ANXA8: variants seen among roughly 807,000 people sequenced by gnomAD.
ANXA8 encodes annexin A8, also known as VAC-beta.
In ANXA8, 9 loss-of-function variants were observed where a neutral mutation model predicts 26.8. The observed-to-expected ratio is 0.34, with a 90% CI of 0.20 to 0.59. ANXA8 has a LOEUF of 0.59. ANXA8 is among the 20% of genes least tolerant of loss of function. The pLI is 0.84. For missense variants in ANXA8, 83 were observed against 238.5 expected, an observed-to-expected ratio of 0.35 and a Z score of 4.29; for synonymous variants, 39 against 94.8, an observed-to-expected ratio of 0.41 and a Z score of 3.42.
the ANXA8 span, among the ~76,000 whole-genome samples, chr10:47,670,427 G>A: frequency 6.6e-6 from 1 of 152,098 alleles, no homozygotes; most frequent in Non-Finnish European, 1.5e-5. Flanking sequence ...TTAACTTAAT[G>A]AGGAACTGCC....
At chr10:47,957,707 T>A in the ANXA8 span, among the ~76,000 whole-genome samples, 30 of 149,058 alleles carry the variant, frequency 2.0e-4, no homozygotes, top group African/African-American at 7.6e-4. Flanking sequence ...GCTCCCTACT[T>A]AGGCTCCAGG....
chr10:47,975,270 G>A, the ANXA8 span, among the ~76,000 whole-genome samples: 4 of 149,616 alleles, frequency 2.7e-5, 1 homozygote, highest in Admixed American at 6.7e-5. Context: ...GGCTTAGAGC[G>A]AAAGAATGCC....
chr10:47,945,358 G>A, the ANXA8 span, among the ~76,000 whole-genome samples: 2 of 150,510 alleles, frequency 1.3e-5, no homozygotes, highest in South Asian at 4.2e-4. Context: ...TCGATGTTAT[G>A]GGCTCACGGG....
At chr10:47,667,108 C>A in the ANXA8 span, among the ~76,000 whole-genome samples, 1 of 152,038 alleles carries the variant, frequency 6.6e-6, no homozygotes, top group African/African-American at 2.4e-5. Flanking sequence ...TCTCATAGTG[C>A]CCAGCAATCA....
the ANXA8 span, among the ~76,000 whole-genome samples, chr10:47,989,375 C>A: frequency 8.6e-6 from 1 of 116,932 alleles, no homozygotes; most frequent in Non-Finnish European, 1.9e-5. Flanking sequence ...TGTGTAACCG[C>A]ATCCCTGAGG....
the ANXA8 span, among the ~76,000 whole-genome samples, chr10:47,532,861 A>AT: frequency 2.9e-5 from 1 of 34,882 alleles, no homozygotes; most frequent in South Asian, 8.9e-4. Context: ...GAACCTGGAA[A>AT]TTTCCATCTG....
the ANXA8 span, among the ~76,000 whole-genome samples, chr10:47,685,196 A>G: frequency 6.6e-6 from 1 of 150,870 alleles, no homozygotes; most frequent in Non-Finnish European, 1.5e-5. Context: ...AAAATACAAA[A>G]TTAGCTGGGC....
the ANXA8 span, among the ~76,000 whole-genome samples, chr10:47,686,472 G>A: frequency 4.3e-4 from 65 of 151,852 alleles, no homozygotes; most frequent in Non-Finnish European, 7.8e-4. Context: ...TCAGCCTCCC[G>A]AAGTCCTGGG....
intron 3 of ANXA8, chr10:47,478,080 T>TAC (rs1383623958): frequency 1.5e-5 from 2 of 132,310 alleles, no homozygotes; most frequent in Non-Finnish European, 3.2e-5. Flanking sequence ...GGACGAGGTG[T>TAC]GGGTGCAAGC....
the ANXA8 span, chr10:47,568,115 A>C: frequency 3.8e-6 from 1 of 266,022 alleles, no homozygotes; most frequent in South Asian, 3.9e-5. Context: ...GCTCACTGCA[A>C]CCTCCGCCTC....
At chr10:47,562,067 A>G in the ANXA8 span, among the ~76,000 whole-genome samples, 1 of 151,896 alleles carries the variant, frequency 6.6e-6, no homozygotes, top group Admixed American at 6.6e-5. Flanking sequence ...AGAATCAATT[A>G]TGTATAAGAT....
At chr10:47,768,185 G>A in the ANXA8 span, among the ~76,000 whole-genome samples, 1 of 151,416 alleles carries the variant, frequency 6.6e-6, no homozygotes, top group Non-Finnish European at 1.5e-5. Context: ...TTTTCAGCAA[G>A]GGCCATTTGT....
chr10:47,936,922 TG>T, the ANXA8 span, among the ~76,000 whole-genome samples: 1 of 151,408 alleles, frequency 6.6e-6, no homozygotes, highest in Non-Finnish European at 1.5e-5. Context: ...TTCCCTTGTT[TG>T]CTCAAGGAGT....
the ANXA8 span, among the ~76,000 whole-genome samples, chr10:47,513,567 C>T: frequency 2.1e-4 from 29 of 140,932 alleles, 3 homozygotes; most frequent in Admixed American, 8.0e-4. Flanking sequence ...AAACAAGAAC[C>T]GGCACAGCCA....
chr10:47,748,835 AAG>A, the ANXA8 span, among the ~76,000 whole-genome samples: 1 of 148,718 alleles, frequency 6.7e-6, no homozygotes, highest in East Asian at 2.0e-4. Flanking sequence ...TGGAAGTGAG[AAG>A]ATAATGGAGT....
the ANXA8 span, among the ~76,000 whole-genome samples, chr10:47,954,268 T>C: frequency 3.2e-4 from 49 of 151,104 alleles, no homozygotes; most frequent in African/African-American, 1.1e-3. Context: ...GAGGACATAA[T>C]GTTAAATGAA....
the ANXA8 span, among the ~76,000 whole-genome samples, chr10:47,976,818 T>A: frequency 7.3e-6 from 1 of 136,630 alleles, no homozygotes; most frequent in East Asian, 2.0e-4. Flanking sequence ...CAGCAAAAAT[T>A]GTTTGACATT....
chr10:47,730,600 C>G, the ANXA8 span, among the ~76,000 whole-genome samples: 1 of 152,268 alleles, frequency 6.6e-6, no homozygotes, highest in African/African-American at 2.4e-5. Context: ...CTAAGAAAAT[C>G]CTGTGAGGTT....
the ANXA8 span, among the ~76,000 whole-genome samples, chr10:47,626,570 T>C: frequency 6.7e-6 from 1 of 149,942 alleles, no homozygotes; most frequent in South Asian, 2.1e-4. Context: ...ATACAGAACT[T>C]CTTTAACCTT....
Sources: allele counts gnomAD v4.1 joint callset (sites outside exome capture counted in the v4.1 genomes callset), GRCh38; gene constraint gnomAD v4.1.1; transcripts MANE v1.5; gene names NCBI Gene and HGNC (gene_info 2026-07-23, HGNC 2026-07-21).